SCFD2: variants seen among roughly 807,000 people sequenced by gnomAD.
SCFD2 encodes sec1 family domain-containing protein 2.
In SCFD2, 54 loss-of-function variants were observed where a neutral mutation model predicts 58.9. That is an observed-to-expected ratio of 0.92 (90% CI 0.74 to 1.15). The LOEUF (loss-of-function observed/expected upper bound fraction) is 1.15. Ranked by LOEUF, SCFD2 falls within the 50% of genes most tolerant of loss-of-function variation. The probability of loss-of-function intolerance (pLI) is 0.00; values close to 1 mark genes in which losing one functional copy is unlikely to be tolerated. For missense variants in SCFD2, 805 were observed against 836.6 expected (o/e 0.96, Z 0.47); for synonymous variants, 321 against 335.9 (o/e 0.96, Z 0.49).
intron 6 of SCFD2, among the ~76,000 whole-genome samples, chr4:52,909,101 A>G (rs1719419118): frequency 6.6e-6 from 1 of 152,174 alleles, no homozygotes; most frequent in South Asian, 2.1e-4. Context: ...CCTCTTATAC[A>G]TTGCTGGTGG....
intron 4 of SCFD2, among the ~76,000 whole-genome samples, chr4:53,263,747 C>CGCTTTCAAGAGTGCATCA (rs1730898173): frequency 6.6e-6 from 1 of 152,164 alleles, no homozygotes; most frequent in Admixed American, 6.6e-5. Context: ...CAGGAGGTGG[C>CGCTTTCAAGAGTGCATCA]GCTTTCAAGA....
chr4:53,226,459 CCAA>C (rs1729219700), intron 4 of SCFD2, among the ~76,000 whole-genome samples: 1 of 151,818 alleles, frequency 6.6e-6, no homozygotes, highest in South Asian at 2.1e-4. Flanking sequence ...AGTCTTTTTC[CCAA>C]CATTACTGTT....
chr4:52,919,575 A>G (rs1719686700), intron 6 of SCFD2, among the ~76,000 whole-genome samples: 1 of 152,228 alleles, frequency 6.6e-6, no homozygotes, highest in South Asian at 2.1e-4. Flanking sequence ...AATCTCTATG[A>G]GAACCATATT....
chr4:53,007,305 G>GGAGAGAGAGAGAGA (rs147645284), intron 5 of SCFD2, among the ~76,000 whole-genome samples: 1,719 of 66,022 alleles, frequency 0.026, 86 homozygotes, highest in Admixed American at 0.033. Flanking sequence ...AGAGGGAGAG[G>GGAGAGAGAGAGAGA]GAGAGAGAGA....
chr4:53,273,662 A>G (rs1183067266), intron 4 of SCFD2, 164 bp downstream of exon 4: 1 of 609,138 alleles, frequency 1.6e-6, no homozygotes, highest in African/African-American at 1.9e-5. Flanking sequence ...AGGTGTGAAA[A>G]AAGTTTCTAC....
intron 4 of SCFD2, among the ~76,000 whole-genome samples, chr4:53,258,361 C>T (rs1390827025): frequency 2.0e-5 from 3 of 151,850 alleles, no homozygotes; most frequent in Non-Finnish European, 2.9e-5. Context: ...CTGTATCATT[C>T]TTATGTCTTT....
chr4:53,256,349 T>G lies in SCFD2; in HGVS notation c.1311+17477A>C, dbSNP rs542083585. On this transcript the variant is annotated intron_variant, in intron 4 of 8. Coordinates refer to ENST00000401642, the MANE Select transcript of SCFD2 (RefSeq NM_152540.4). ...ATGGGCAGCCGGGCAGAGACGCTCC[T>G]CACTTCCTAGATGGGATGGCGGCCG... 9.3e-5 allele frequency among the ~76,000 whole-genome samples: 14 copies of G among 150,520 alleles called. No individual in the cohort carries two copies. The South Asian group carries it at 3.0e-3, about 32-fold the overall frequency.
chr4:52,932,782 T>C (rs1443379102), intron 5 of SCFD2, among the ~76,000 whole-genome samples: 2 of 152,100 alleles, frequency 1.3e-5, no homozygotes, highest in African/African-American at 4.8e-5. Flanking sequence ...TCTGCCCCAA[T>C]CTAAGGTTCC....
At chr4:53,319,604 C>T (rs1732966765) in intron 2 of SCFD2, among the ~76,000 whole-genome samples, 6 of 151,838 alleles carry the variant, frequency 4.0e-5, no homozygotes, top group Admixed American at 3.9e-4. Context: ...ATGATCTCAG[C>T]TCACTGCAGC....
intron 3 of SCFD2, among the ~76,000 whole-genome samples, chr4:53,293,667 C>A (rs1394309188): frequency 1.3e-5 from 2 of 152,158 alleles, no homozygotes; most frequent in African/African-American, 4.8e-5. Context: ...GTGCTAACAT[C>A]ATAATCAATG....
chr4:53,067,486 T>C (rs1008940079), intron 5 of SCFD2, among the ~76,000 whole-genome samples: 1 of 152,012 alleles, frequency 6.6e-6, no homozygotes, highest in Non-Finnish European at 1.5e-5. Flanking sequence ...CCTTGAAGTG[T>C]AATAATCCCC....
chr4:52,945,347 G>C (rs1720395852), intron 5 of SCFD2, among the ~76,000 whole-genome samples: 1 of 151,858 alleles, frequency 6.6e-6, no homozygotes, highest in Admixed American at 6.6e-5. Context: ...AGAACTAAAG[G>C]CACAGCCCAG....
At chr4:53,195,788 A>AT (rs2148962069) in intron 4 of SCFD2, among the ~76,000 whole-genome samples, 1 of 152,312 alleles carries the variant, frequency 6.6e-6, no homozygotes, top group African/African-American at 2.4e-5. Flanking sequence ...GTTATTACAC[A>AT]TTTAGGGCAA....
chr4:53,180,504 G>A (rs1420747593), intron 4 of SCFD2, among the ~76,000 whole-genome samples: 7 of 152,250 alleles, frequency 4.6e-5, no homozygotes, highest in Non-Finnish European at 4.4e-5. Context: ...TCAAAGCAGT[G>A]TGTAGAGGGA....
intron 5 of SCFD2, among the ~76,000 whole-genome samples, chr4:53,140,381 C>A (rs866494834): frequency 1.2e-4 from 2 of 17,312 alleles, no homozygotes; most frequent in Admixed American, 7.6e-4. Flanking sequence ...AAAAAGAACA[C>A]CAAAAATGCT....
intron 5 of SCFD2, among the ~76,000 whole-genome samples, chr4:53,014,968 T>C (rs1722176986): frequency 1.3e-5 from 2 of 152,204 alleles, no homozygotes; most frequent in South Asian, 2.1e-4. Flanking sequence ...ATTTATAATA[T>C]CCACTAGAAC....
chr4:53,196,864 G>C (rs941953595), intron 4 of SCFD2, among the ~76,000 whole-genome samples: 5 of 152,076 alleles, frequency 3.3e-5, no homozygotes, highest in Middle Eastern at 6.8e-3. Context: ...AAGCTATTTA[G>C]AGACAGCTAG....
intron 2 of SCFD2, among the ~76,000 whole-genome samples, chr4:53,323,850 A>C (rs1297561752): frequency 6.6e-6 from 1 of 152,072 alleles, no homozygotes; most frequent in African/African-American, 2.4e-5. Flanking sequence ...AAACCTGGGA[A>C]ACCACTTTGA....
intron 5 of SCFD2, among the ~76,000 whole-genome samples, chr4:52,954,810 T>C (rs1720673353): frequency 6.6e-6 from 1 of 152,172 alleles, no homozygotes; most frequent in Non-Finnish European, 1.5e-5. Flanking sequence ...CACATCTGAC[T>C]AAAAAGTGGG....
Sources: gnomAD v4.1 joint callset for allele counts (sites outside exome capture counted in the v4.1 genomes callset) on GRCh38, gnomAD v4.1.1 for gene constraint, MANE v1.5 for transcripts, NCBI Gene and HGNC (gene_info 2026-07-23, HGNC 2026-07-21) for gene names.